Variants in GPC5 observed in about 807,000 individuals in gnomAD.
GPC5 encodes glypican-5.
Under a neutral mutation model 53.9 loss-of-function variants are expected in GPC5, and 47 were observed. The observed-to-expected ratio is 0.87, with a 90% CI of 0.69 to 1.11. GPC5 has a LOEUF of 1.11. Ranked by LOEUF, GPC5 falls within the 50% of genes most tolerant of loss-of-function variation. The probability of loss-of-function intolerance (pLI) is 0.00; values close to 1 mark genes in which losing one functional copy is unlikely to be tolerated. For synonymous variants in GPC5, 286 were observed against 263.3 expected (o/e 1.09, Z -0.84); for missense variants, 748 against 713.1 (o/e 1.05, Z -0.56).
chr13:92,499,312 A>G (rs770244768), intron 7 of GPC5, among the ~76,000 whole-genome samples: 21 of 152,298 alleles, frequency 1.4e-4, no homozygotes, highest in Admixed American at 1.4e-3. Flanking sequence ...TGGCAATGAC[A>G]TATTTTTTGA....
At chr13:92,710,489 T>C (rs937510861) in intron 7 of GPC5, among the ~76,000 whole-genome samples, 2 of 152,192 alleles carry the variant, frequency 1.3e-5, no homozygotes, top group Admixed American at 6.5e-5. Flanking sequence ...TAAAACATAG[T>C]AGAGAATAGA....
intron 7 of GPC5, among the ~76,000 whole-genome samples, chr13:92,608,587 G>A (rs12861945): frequency 0.16 from 24,778 of 152,102 alleles, 2,475 homozygotes; most frequent in Non-Finnish European, 0.23. Context: ...AGATATAATA[G>A]GGAGTGGAAG....
chr13:92,408,653 C>CACACACACACAT (rs1555333402), intron 7 of GPC5, among the ~76,000 whole-genome samples: 2 of 147,018 alleles, frequency 1.4e-5, no homozygotes, highest in Non-Finnish European at 3.0e-5. Flanking sequence ...CACACACACA[C>CACACACACACAT]ATATAATACA....
intron 5 of GPC5, among the ~76,000 whole-genome samples, chr13:91,764,785 T>G (rs2037489366): frequency 6.6e-6 from 1 of 152,152 alleles, no homozygotes; most frequent in Admixed American, 6.6e-5. Context: ...AGTTGGCAGG[T>G]TTCGAGCTGG....
chr13:91,607,529 G>A (rs2033411040), intron 2 of GPC5, among the ~76,000 whole-genome samples: 1 of 152,062 alleles, frequency 6.6e-6, no homozygotes, highest in Non-Finnish European at 1.5e-5. Flanking sequence ...GATAACACCA[G>A]TTCACAGAAC....
At chr13:92,771,649 C>A (rs1319051847) in intron 7 of GPC5, among the ~76,000 whole-genome samples, 2 of 152,042 alleles carry the variant, frequency 1.3e-5, no homozygotes, top group African/African-American at 4.8e-5. Context: ...CGCCCTTATC[C>A]AGTTTTTCTA....
chr13:91,961,864 G>C, intron 6 of GPC5, among the ~76,000 whole-genome samples: 1 of 152,098 alleles, frequency 6.6e-6, no homozygotes, highest in East Asian at 1.9e-4. Context: ...TGAGGAGGGA[G>C]ACGTGGGTTC....
chr13:91,920,930 T>A (rs1185975010), intron 6 of GPC5, among the ~76,000 whole-genome samples: 11 of 117,612 alleles, frequency 9.4e-5, no homozygotes, highest in Middle Eastern at 7.9e-3. Flanking sequence ...CTCTCTCTTT[T>A]TTTTTTTTTT....
intron 7 of GPC5, among the ~76,000 whole-genome samples, chr13:92,454,745 G>C (rs952120094): frequency 6.6e-6 from 1 of 152,060 alleles, no homozygotes; most frequent in Admixed American, 6.6e-5. Context: ...GAAAACTCAG[G>C]ACCTCAGGAA....
intron 2 of GPC5, among the ~76,000 whole-genome samples, chr13:91,626,394 T>G (rs760099273): frequency 2.0e-5 from 3 of 152,184 alleles, no homozygotes; most frequent in Non-Finnish European, 4.4e-5. Context: ...GGAATTTCTC[T>G]GAATCTCAGT....
chr13:92,542,536 G>C (rs1202382469), intron 7 of GPC5, among the ~76,000 whole-genome samples: 1 of 151,890 alleles, frequency 6.6e-6, no homozygotes, highest in Non-Finnish European at 1.5e-5. Flanking sequence ...TATAAGTTTT[G>C]ATTACTTTGT....
intron 7 of GPC5, among the ~76,000 whole-genome samples, chr13:92,215,895 G>A (rs192317501): frequency 7.9e-5 from 12 of 152,234 alleles, no homozygotes; most frequent in Admixed American, 7.8e-4. Flanking sequence ...TCCGTTTGAG[G>A]GAATTTGGTC....
intron 2 of GPC5, among the ~76,000 whole-genome samples, chr13:91,680,430 C>A (rs2035480954): frequency 6.6e-6 from 1 of 152,136 alleles, no homozygotes; most frequent in African/African-American, 2.4e-5. Context: ...GCCTGGGCGA[C>A]AGAGCAAGAC....
chr13:92,338,590 A>G (rs1194708283), intron 7 of GPC5, among the ~76,000 whole-genome samples: 1 of 152,126 alleles, frequency 6.6e-6, no homozygotes, highest in African/African-American at 2.4e-5. Context: ...CTGTCAAGCC[A>G]TGGAAAGAAC....
chr13:92,008,204 A>AG (rs1473256894), intron 6 of GPC5, among the ~76,000 whole-genome samples: 1 of 151,674 alleles, frequency 6.6e-6, no homozygotes, highest in Non-Finnish European at 1.5e-5. Context: ...CTGGGACTAC[A>AG]GGCGCCCGCT....
At chr13:91,969,229 A>C (rs1040554453) in intron 6 of GPC5, among the ~76,000 whole-genome samples, 1 of 152,058 alleles carries the variant, frequency 6.6e-6, no homozygotes, top group Non-Finnish European at 1.5e-5. Context: ...GGCTTTCCAA[A>C]GTGCTGGGAT....
chr13:91,931,680 A>G (rs2039823014), intron 6 of GPC5, among the ~76,000 whole-genome samples: 1 of 152,010 alleles, frequency 6.6e-6, no homozygotes, highest in South Asian at 2.1e-4. Context: ...TTAACCTATG[A>G]CACGCATTGC....
intron 7 of GPC5, among the ~76,000 whole-genome samples, chr13:92,234,841 C>T (rs1050225929): frequency 1.3e-5 from 2 of 152,074 alleles, no homozygotes; most frequent in African/African-American, 4.8e-5. Flanking sequence ...CTCTCAAATA[C>T]CTTCAGCCTG....
intron 5 of GPC5, among the ~76,000 whole-genome samples, chr13:91,857,468 TAAAA>T (rs2038978893): frequency 6.6e-6 from 1 of 151,466 alleles, no homozygotes; most frequent in Non-Finnish European, 1.5e-5. Flanking sequence ...AATATAATTT[TAAAA>T]GAAATATAAT....
Sources: allele counts gnomAD v4.1 joint callset (sites outside exome capture counted in the v4.1 genomes callset), GRCh38; gene constraint gnomAD v4.1.1; transcripts MANE v1.5; gene names NCBI Gene and HGNC (gene_info 2026-07-23, HGNC 2026-07-21).